The following SENP1 variants were observed in gnomAD, a reference collection of about 807,000 sequenced individuals.
The protein encoded by SENP1 is SUMO specific peptidase 1, also known as sentrin-specific protease 1.
In SENP1, 21 loss-of-function variants were observed where a neutral mutation model predicts 93.0. That is an observed-to-expected ratio of 0.23 (90% CI 0.16 to 0.33). The LOEUF is 0.33. SENP1 is among the 10% of genes least tolerant of loss of function. SENP1 has a pLI of 1.00. For missense variants in SENP1, 591 were observed against 758.7 expected (o/e 0.78, Z 2.60); for synonymous variants, 256 against 259.6 (o/e 0.99, Z 0.13).
Position 48,048,889 on chromosome 12 carries a change from A to G in SENP1, c.1611+40T>C, listed in dbSNP as rs769763985. On this transcript the variant is annotated intron_variant, in intron 14 of 17. Transcript: ENST00000549518. ...TACCCTCTGTGTGTTCTATAAGTAC[A>G]TAGCTTTTACATTTTATCAAAAATG... is the stretch of plus-strand genomic sequence containing the variant. 4 of 1,491,728 alleles carry G rather than the reference A, an allele frequency of 2.7e-6. No individual in the cohort carries two copies. In the East Asian group the frequency reaches 9.2e-5, roughly 34 times the overall value. The allele number at this position is 1,491,728 out of a possible 1,614,324, so 92.4% of individuals were successfully genotyped here.
intron 6 of SENP1, among the ~76,000 whole-genome samples, chr12:48,076,783 C>T (rs1172579913): frequency 6.6e-6 from 1 of 152,000 alleles, no homozygotes; most frequent in Non-Finnish European, 1.5e-5. Context: ...GCTGGAACTA[C>T]AGGTGTGCGC....
chr12:48,075,297 A>G (rs1333882949), intron 6 of SENP1, among the ~76,000 whole-genome samples: 2 of 152,184 alleles, frequency 1.3e-5, no homozygotes, highest in African/African-American at 4.8e-5. Context: ...AATACCAGAT[A>G]ATATACTTTG....
chr12:48,076,071 T>C (rs1456926052), intron 6 of SENP1, among the ~76,000 whole-genome samples: 1 of 152,214 alleles, frequency 6.6e-6, no homozygotes, highest in Non-Finnish European at 1.5e-5. Flanking sequence ...GACTTACAAC[T>C]CTGGTAAAGC....
At chr12:48,049,733 G>A (rs1335372048) in intron 13 of SENP1, among the ~76,000 whole-genome samples, 1 of 152,170 alleles carries the variant, frequency 6.6e-6, no homozygotes, top group Non-Finnish European at 1.5e-5. Flanking sequence ...AGTGACAGGA[G>A]AAGCCATTAA....
intron 6 of SENP1, among the ~76,000 whole-genome samples, chr12:48,078,278 G>A (rs1320305704): frequency 1.1e-4 from 14 of 125,960 alleles, no homozygotes; most frequent in African/African-American, 4.0e-4. Context: ...CAACTATACT[G>A]TATTCATTTA....
chr12:48,080,156 A>G (rs570190475), intron 6 of SENP1: 2 of 152,352 alleles, frequency 1.3e-5, no homozygotes, highest in South Asian at 4.1e-4. Context: ...ATTATCTAAC[A>G]GAAATTTCTG....
rs1943347852 is a variant in SENP1, at chr12:48,066,976, G to A, written c.996-11C>T. On this transcript the variant is annotated splice_polypyrimidine_tract_variant and intron_variant, in intron 9 of 17. Coordinates refer to ENST00000549518, the MANE Select transcript of SENP1 (RefSeq NM_001267594.2). Reference sequence around the variant, plus strand: ...TGGAAGAAAGTAGAACTATGGGTAGGAAAAGAAAAATTTGACAAATGAGCA... The same window carrying A: ...TGGAAGAAAGTAGAACTATGGGTAGAAAAAGAAAAATTTGACAAATGAGCA... 6.5e-7 allele frequency: 1 copy of A among 1,546,192 alleles called. No individual in the cohort carries two copies. The highest frequency in any genetic ancestry group is 2.4e-5 in the East Asian group (1 of 41,800).
rs5798059 is a variant in SENP1 at position 48,084,447 on chromosome 12, G to GTTT, written c.381-688_381-686dup. ...TATATCTAAGGCTTACTAATTTTGA[G>GTTT]TTTTTTTTTTTTTTTTTTTTGAGAT... On this transcript the variant is annotated intron_variant, in intron 5 of 17. Transcript: ENST00000549518. 2.0e-3 allele frequency among the ~76,000 whole-genome samples: 214 copies of GTTT among 109,442 alleles called. 8 individuals are homozygous for GTTT. Among genetic ancestry groups the GTTT allele is most frequent in the Middle Eastern group, 0.012 (2 of 164 alleles). The allele number at this position is 109,442 out of a possible 152,430, so 71.8% of individuals were successfully genotyped here.
intron 8 of SENP1, 75 bp from the exon 9 acceptor site, chr12:48,071,796 T>C: frequency 1.1e-6 from 1 of 950,830 alleles, no homozygotes; most frequent in South Asian, 1.6e-5. Flanking sequence ...TTAGTTTAAG[T>C]TCCCATACTT....
intron 6 of SENP1, among the ~76,000 whole-genome samples, chr12:48,079,598 GA>G (rs1425510087): frequency 6.6e-6 from 1 of 152,066 alleles, no homozygotes; most frequent in Non-Finnish European, 1.5e-5. Flanking sequence ...TTTAAAACCT[GA>G]AAAAACCCTA....
intron 13 of SENP1, among the ~76,000 whole-genome samples, chr12:48,057,855 G>A (rs923872256): frequency 1.0e-4 from 15 of 145,526 alleles, no homozygotes; most frequent in Middle Eastern, 4.0e-3. Context: ...CCTTGGCCTC[G>A]CAAAGTGCTG....
chr12:48,066,874 C>T, intron 10 of SENP1, 53 bp downstream of exon 10: 1 of 1,353,460 alleles, frequency 7.4e-7, no homozygotes, highest in Non-Finnish European at 1.0e-6. Context: ...TTGATTTCTT[C>T]TAACTAAAAA....
chr12:48,071,780 G>C (rs1943725375), intron 8 of SENP1, 59 bp from the exon 9 acceptor site: 1 of 1,142,956 alleles, frequency 8.7e-7, no homozygotes, highest in Admixed American at 2.0e-5. Context: ...ATACTTTCTA[G>C]ATATCTTAGT....
intron 16 of SENP1, 35 bp from the exon 17 acceptor site, chr12:48,046,486 C>T (rs1241094398): frequency 2.9e-6 from 4 of 1,368,762 alleles, no homozygotes; most frequent in South Asian, 1.2e-5. Context: ...TGACATCTTT[C>T]CAAGCTTCTT....
chr12:48,055,747 A>G (rs915784350), intron 13 of SENP1, among the ~76,000 whole-genome samples: 1 of 148,738 alleles, frequency 6.7e-6, no homozygotes, highest in Non-Finnish European at 1.5e-5. Flanking sequence ...CTAAAATGAC[A>G]TATTTTGTTA....
intron 7 of SENP1, 23 bp from the exon 8 acceptor site, chr12:48,074,630 T>G: frequency 6.2e-7 from 1 of 1,607,832 alleles, no homozygotes. Flanking sequence ...GAATATTGTT[T>G]CAATATCAAG....
At chr12:48,060,547 T>C (rs1942887149) in intron 13 of SENP1, among the ~76,000 whole-genome samples, 2 of 152,234 alleles carry the variant, frequency 1.3e-5, no homozygotes, top group Admixed American at 1.3e-4. Flanking sequence ...AATCTACTTC[T>C]ACTTTTGCAA....
chr12:48,054,085 C>A (rs1942032420), intron 13 of SENP1, among the ~76,000 whole-genome samples: 1 of 152,124 alleles, frequency 6.6e-6, no homozygotes, highest in South Asian at 2.1e-4. Context: ...TAGGATAGGG[C>A]ATAGAGGGCT....
At chr12:48,060,725 G>C (rs1214523020) in intron 13 of SENP1, among the ~76,000 whole-genome samples, 1 of 152,156 alleles carries the variant, frequency 6.6e-6, no homozygotes, top group Non-Finnish European at 1.5e-5. Flanking sequence ...TCGGATTACA[G>C]GCATGAGCCA....
Sources: gnomAD v4.1 joint callset for allele counts (sites outside exome capture counted in the v4.1 genomes callset) on GRCh38, gnomAD v4.1.1 for gene constraint, MANE v1.5 for transcripts, NCBI Gene and HGNC (gene_info 2026-07-23, HGNC 2026-07-21) for gene names.